Variants in HS3ST5 observed in about 807,000 individuals in gnomAD.
HS3ST5 encodes heparan sulfate glucosamine 3-O-sulfotransferase 5.
A neutral mutation model predicts 25.4 loss-of-function variants in HS3ST5; 10 were observed. The observed-to-expected ratio is 0.39, with a 90% CI of 0.24 to 0.67. HS3ST5 has a LOEUF of 0.67. Among genes scored for constraint, HS3ST5 ranks in the 30% least tolerant of loss-of-function variants. HS3ST5 has a pLI of 0.44. For synonymous variants in HS3ST5, 170 were observed against 162.4 expected, an observed-to-expected ratio of 1.05 and a Z score of -0.36; for missense variants, 324 against 420.7, an observed-to-expected ratio of 0.77 and a Z score of 2.01.
intron 1 of HS3ST5, among the ~76,000 whole-genome samples, chr6:114,229,205 C>A (rs1257716813): frequency 6.6e-6 from 1 of 152,146 alleles, no homozygotes; most frequent in Non-Finnish European, 1.5e-5. Context: ...TGCTATATTT[C>A]CTTTCACATG....
chr6:114,229,340 G>A (rs187699553), intron 1 of HS3ST5, among the ~76,000 whole-genome samples: 1 of 152,330 alleles, frequency 6.6e-6, no homozygotes, highest in East Asian at 1.9e-4. Flanking sequence ...GAAGTTGGTA[G>A]TGGCTGATAG....
At chr6:114,131,216 C>G (rs1003238738) in intron 3 of HS3ST5, 1 of 151,186 alleles carries the variant, frequency 6.6e-6, no homozygotes, top group Non-Finnish European at 1.5e-5. Context: ...ATTTCAGGAG[C>G]AATCTAATGC....
At chr6:114,232,325 A>G (rs1771636241) in intron 1 of HS3ST5, among the ~76,000 whole-genome samples, 1 of 152,094 alleles carries the variant, frequency 6.6e-6, no homozygotes, top group South Asian at 2.1e-4. Context: ...TCTTTAGCTT[A>G]ACACTTTTTC....
At chr6:114,312,814 G>A (rs996048822) in intron 1 of HS3ST5, among the ~76,000 whole-genome samples, 4 of 151,698 alleles carry the variant, frequency 2.6e-5, no homozygotes, top group Non-Finnish European at 5.9e-5. Context: ...CAGATCACTC[G>A]AGGCCAGGAG....
At chr6:114,060,372 G>GT (rs1199193614) in intron 4 of HS3ST5, among the ~76,000 whole-genome samples, 1 of 152,128 alleles carries the variant, frequency 6.6e-6, no homozygotes. Flanking sequence ...CATGAATTTT[G>GT]TTTTTATAAA....
At chr6:114,264,910 C>T (rs1773337821) in intron 1 of HS3ST5, among the ~76,000 whole-genome samples, 1 of 152,112 alleles carries the variant, frequency 6.6e-6, no homozygotes, top group African/African-American at 2.4e-5. Context: ...GACAGGGTCT[C>T]ACCCTGTCAC....
intron 1 of HS3ST5, among the ~76,000 whole-genome samples, chr6:114,283,377 C>A (rs185726193): frequency 1.0e-3 from 156 of 151,970 alleles, no homozygotes; most frequent in African/African-American, 3.6e-3. Flanking sequence ...ACCTGTAAGA[C>A]CTCTTGGCAG....
chr6:114,065,875 AG>A (rs1773419131), intron 3 of HS3ST5, among the ~76,000 whole-genome samples: 2 of 152,222 alleles, frequency 1.3e-5, no homozygotes, highest in African/African-American at 4.8e-5. Flanking sequence ...ATTTAAACAT[AG>A]TGCCCACACC....
chr6:114,342,208 G>A lies in HS3ST5; in HGVS notation c.-352C>T, dbSNP rs1351076267. On this transcript the variant is annotated 5_prime_UTR_variant, in exon 1 of 5. Transcript: ENST00000312719. ...CGCCTTGCTCACCGTGGTCCCCGGC[G>A]GTGGCGGCGCGGGCGGGAGCCTCAG... The A allele has an allele frequency of 6.5e-6, 1 of 152,880 alleles. No homozygotes were observed. The highest frequency in any genetic ancestry group is 1.5e-5 in the Non-Finnish European group (1 of 68,172). 9.5% of individuals were successfully genotyped at this position (152,880 alleles called of 1,614,324 possible). A position where few individuals can be genotyped will look rare whatever the true frequency, so the allele number is the denominator to read the frequency against.
At chr6:114,304,110 T>C (rs985662100) in intron 1 of HS3ST5, among the ~76,000 whole-genome samples, 1 of 152,002 alleles carries the variant, frequency 6.6e-6, no homozygotes, top group Admixed American at 6.5e-5. Context: ...TATTTCTGAC[T>C]GACCTACACT....
At chr6:114,169,645 A>C (rs958801622) in intron 2 of HS3ST5, among the ~76,000 whole-genome samples, 1 of 152,228 alleles carries the variant, frequency 6.6e-6, no homozygotes, top group African/African-American at 2.4e-5. Context: ...TAACAAAATA[A>C]AGCCTCAACT....
chr6:114,214,200 GA>G (rs539687368), intron 2 of HS3ST5, among the ~76,000 whole-genome samples: 7 of 152,154 alleles, frequency 4.6e-5, no homozygotes, highest in Non-Finnish European at 1.0e-4. Flanking sequence ...AATAAATGTA[GA>G]CTTACAGACA....
At chr6:114,201,711 A>C (rs1193014876) in intron 2 of HS3ST5, among the ~76,000 whole-genome samples, 3 of 152,182 alleles carry the variant, frequency 2.0e-5, no homozygotes, top group Non-Finnish European at 4.4e-5. Flanking sequence ...GATAATTTAT[A>C]AAGGAAAGAG....
chr6:114,202,876 ATAATTCCC>A (rs1221145965), intron 2 of HS3ST5, among the ~76,000 whole-genome samples: 2 of 152,252 alleles, frequency 1.3e-5, no homozygotes, highest in Non-Finnish European at 2.9e-5. Flanking sequence ...AACTGAAGTC[ATAATTCCC>A]TTCTGACAAA....
chr6:114,330,408 A>G (rs1441421050), intron 1 of HS3ST5, among the ~76,000 whole-genome samples: 1 of 152,164 alleles, frequency 6.6e-6, no homozygotes, highest in Non-Finnish European at 1.5e-5. Context: ...TGTAGGAGCA[A>G]TGATTCTGAG....
chr6:114,125,560 A>G (rs1020663928), intron 3 of HS3ST5, among the ~76,000 whole-genome samples: 3 of 152,160 alleles, frequency 2.0e-5, no homozygotes, highest in Non-Finnish European at 4.4e-5. Context: ...ATCAAAAGCA[A>G]TTCTTAAGAA....
At chr6:114,296,784 T>C (rs1366877018) in intron 1 of HS3ST5, among the ~76,000 whole-genome samples, 1 of 152,118 alleles carries the variant, frequency 6.6e-6, no homozygotes, top group East Asian at 1.9e-4. Context: ...CAAGACAATG[T>C]AAATGAAAGC....
chr6:114,070,444 A>G (rs1014965255), intron 3 of HS3ST5, among the ~76,000 whole-genome samples: 12 of 152,138 alleles, frequency 7.9e-5, no homozygotes, highest in African/African-American at 2.4e-4. Context: ...GGTTTTTTTC[A>G]TATTCACCAA....
chr6:114,160,337 T>C (rs752431268), intron 3 of HS3ST5, among the ~76,000 whole-genome samples: 6 of 152,104 alleles, frequency 3.9e-5, no homozygotes, highest in Non-Finnish European at 5.9e-5. Flanking sequence ...AAAAAAAATC[T>C]CTATCAAAGT....
Sources: allele counts gnomAD v4.1 joint callset (sites outside exome capture counted in the v4.1 genomes callset), GRCh38; gene constraint gnomAD v4.1.1; transcripts MANE v1.5; gene names NCBI Gene and HGNC (gene_info 2026-07-23, HGNC 2026-07-21).